Variants in CAPN3 observed in about 807,000 individuals in gnomAD.
CAPN3 encodes the protein calpain 3.
A neutral mutation model predicts 114.0 loss-of-function variants in CAPN3; 88 were observed. That is an observed-to-expected ratio of 0.77 (90% CI 0.65 to 0.92). CAPN3 has a LOEUF of 0.92. Among genes scored for constraint, CAPN3 ranks in the 40% least tolerant of loss-of-function variants. The pLI is 0.00. For missense variants in CAPN3, 1,028 were observed against 1,069.0 expected, an observed-to-expected ratio of 0.96 and a Z score of 0.53; for synonymous variants, 386 against 382.9, an observed-to-expected ratio of 1.01 and a Z score of -0.09.
intron 1 of CAPN3, among the ~76,000 whole-genome samples, chr15:42,380,783 G>A (rs1473561000): frequency 4.7e-5 from 5 of 105,678 alleles, no homozygotes; most frequent in African/African-American, 2.2e-4. Flanking sequence ...TAAAGATGGG[G>A]TTTTGCCATG....
intron 1 of CAPN3, among the ~76,000 whole-genome samples, chr15:42,365,460 A>T (rs1463307930): frequency 6.6e-6 from 1 of 151,924 alleles, no homozygotes; most frequent in Non-Finnish European, 1.5e-5. Context: ...CCTTCTGCTT[A>T]GCTCTCTCCT....
chr15:42,404,800 G>A, intron 14 of CAPN3: 1 of 1,079,572 alleles, frequency 9.3e-7, no homozygotes, highest in Non-Finnish European at 1.1e-6. Flanking sequence ...CCCTGAGCCA[G>A]TGCCAGGTCT....
chr15:42,376,501 G>C (rs1298786766), intron 1 of CAPN3, among the ~76,000 whole-genome samples: 1 of 150,650 alleles, frequency 6.6e-6, no homozygotes, highest in Non-Finnish European at 1.5e-5. Flanking sequence ...TTCACTGGGA[G>C]CTCTCAGTTG....
chr15:42,368,349 A>T (rs1284268913), intron 1 of CAPN3, among the ~76,000 whole-genome samples: 3 of 152,198 alleles, frequency 2.0e-5, no homozygotes. Context: ...GTGACCTCCA[A>T]GCATAGTGCT....
intron 1 of CAPN3, among the ~76,000 whole-genome samples, chr15:42,380,751 A>ATATATATTTTTTTTTTT (rs1436943739): frequency 1.4e-4 from 9 of 64,452 alleles, no homozygotes; most frequent in African/African-American, 7.2e-4. Context: ...ATATATATAT[A>ATATATATTTTTTTTTTT]TTTTTTTTTT....
chr15:42,388,207 C>T (rs1199699863), intron 4 of CAPN3, among the ~76,000 whole-genome samples: 1 of 152,206 alleles, frequency 6.6e-6, no homozygotes, highest in Non-Finnish European at 1.5e-5. Flanking sequence ...GAGCTCAGAT[C>T]CCAGGGTCTC....
chr15:42,408,132 C>G, intron 15 of CAPN3, 79 bp from the exon 16 acceptor site: 1 of 930,804 alleles, frequency 1.1e-6, no homozygotes, highest in South Asian at 1.3e-5. Context: ...TAAAGCTGCT[C>G]CAAGAGAGGT....
At chr15:42,409,252 G>A in intron 16 of CAPN3, 51 bp from the exon 17 acceptor site, 1 of 1,568,838 alleles carries the variant, frequency 6.4e-7, no homozygotes, top group South Asian at 1.1e-5. Flanking sequence ...TGCCTCACAG[G>A]CCTGTGCACC....
chr15:42,388,438 T>TG (rs978739485), intron 4 of CAPN3, among the ~76,000 whole-genome samples: 5 of 152,200 alleles, frequency 3.3e-5, no homozygotes, highest in Non-Finnish European at 7.3e-5. Flanking sequence ...CCCAAGTAGC[T>TG]GGGACTACAT....
intron 1 of CAPN3, 141 bp from the exon 2 acceptor site, chr15:42,384,342 G>A (rs1237150859): frequency 4.3e-6 from 3 of 691,726 alleles, no homozygotes; most frequent in Non-Finnish European, 8.0e-6. Context: ...AACCCCGGAG[G>A]CAGAGGTTTC....
At chr15:42,386,345 T>C in intron 3 of CAPN3, 60 bp downstream of exon 3, 2 of 1,158,674 alleles carry the variant, frequency 1.7e-6, no homozygotes, top group East Asian at 4.7e-5. Context: ...GCTGGTCTCC[T>C]GGCCTTGACT....
intron 1 of CAPN3, among the ~76,000 whole-genome samples, chr15:42,380,700 C>T (rs1210923843): frequency 7.1e-6 from 1 of 140,332 alleles, no homozygotes; most frequent in Non-Finnish European, 1.5e-5. Context: ...TGACACAGTT[C>T]AAACGGGGTC....
chr15:42,392,823 G>A (rs1202342741), intron 7 of CAPN3, 101 bp downstream of exon 7: 4 of 849,618 alleles, frequency 4.7e-6, no homozygotes, highest in Non-Finnish European at 7.8e-6. Flanking sequence ...TGCAGAGCTT[G>A]CCTCCAATCA....
chr15:42,409,555 G>A (rs371391945), intron 17 of CAPN3, among the ~76,000 whole-genome samples, 175 bp downstream of exon 17: 4 of 152,168 alleles, frequency 2.6e-5, no homozygotes, highest in East Asian at 3.8e-4. Flanking sequence ...GGACTGCCAC[G>A]TCTGCTGGGG....
chr15:42,411,846 T>C lies in CAPN3; in HGVS notation c.*73T>C, dbSNP rs2054262109. ...GTTTCACCCTCTATTTCCAAAGCCA[T>C]TTACCTCAAAGGACCCAGCAGCTAC... On this transcript the variant is annotated 3_prime_UTR_variant, in exon 24 of 24. Transcript: ENST00000397163. 7.4e-6 allele frequency: 12 copies of C among 1,613,136 alleles called. No individual in the cohort carries two copies.
chr15:42,405,726 C>T (rs2054000384), intron 14 of CAPN3, among the ~76,000 whole-genome samples, 200 bp from the exon 15 acceptor site: 1 of 152,116 alleles, frequency 6.6e-6, no homozygotes, highest in African/African-American at 2.4e-5. Flanking sequence ...TCACTGGTGT[C>T]TGGGCATGGA....
intron 15 of CAPN3, 98 bp from the exon 16 acceptor site, chr15:42,408,113 C>A: frequency 1.3e-6 from 1 of 784,658 alleles, no homozygotes; most frequent in Non-Finnish European, 2.2e-6. Context: ...CTTTCCTCTT[C>A]TCACTGGATA....
In CAPN3 at chr15:42,399,606, C is replaced by T. The variant is rs372968945; in HGVS notation, c.1308C>T (p.Gly436=). ...LQTWTVSVNE[G]RWVRGCSAGG... is the part of the protein sequence containing the mutation. ...CCTGGACAGTGTCTGTGAACGAGGGCCGCTGGGTACGGGGTTGCTCTGCCG... is the reference window on the plus strand; with the variant it reads ...CCTGGACAGTGTCTGTGAACGAGGGTCGCTGGGTACGGGGTTGCTCTGCCG... The change falls in exon 10 of 24, where the codon GGC becomes GGT. Residue 436 remains glycine (G), a synonymous_variant. Coordinates refer to ENST00000397163, the MANE Select transcript of CAPN3 (RefSeq NM_000070.3). 166 of 1,613,204 alleles carry T rather than the reference C, an allele frequency of 1.0e-4. No individual in the cohort carries two copies. Among genetic ancestry groups the T allele is most frequent in the Non-Finnish European group, 1.3e-4 (157 of 1,179,776 alleles).
In CAPN3 at chr15:42,359,967, C is replaced by T. The variant is rs527776745; in HGVS notation, c.162C>T (p.Ile54=). 29 of 1,614,146 alleles carry T rather than the reference C, an allele frequency of 1.8e-5. No homozygotes were observed. The highest frequency in any genetic ancestry group is 7.7e-5 in the South Asian group (7 of 91,074). Residue 54 remains isoleucine (I), a synonymous_variant, in exon 1 of 24, where the codon ATC becomes ATT. Transcript: ENST00000397163. ...SAIISRNFPI[I]GVKEKTFEQL... The stretch of plus-strand genomic sequence containing the variant: ...TCATCAGCCGCAATTTTCCTATTAT[C>T]GGAGTGAAAGAGAAGACATTCGAGC...
Sources: allele counts gnomAD v4.1 joint callset (sites outside exome capture counted in the v4.1 genomes callset), GRCh38; gene constraint gnomAD v4.1.1; transcripts MANE v1.5; gene names NCBI Gene and HGNC (gene_info 2026-07-23, HGNC 2026-07-21).